Variants in HSD17B4 observed in about 807,000 individuals in gnomAD.
HSD17B4 encodes the protein peroxisomal multifunctional enzyme type 2.
HSD17B4 carries 70 observed loss-of-function variants against 101.0 expected under a neutral mutation model. The ratio of observed to expected loss-of-function variants is 0.69; its 90% confidence interval spans 0.57 to 0.85. The LOEUF (loss-of-function observed/expected upper bound fraction) is 0.85, where lower values mean the gene tolerates loss of function less well. Among genes scored for constraint, HSD17B4 ranks in the 40% least tolerant of loss-of-function variants. The pLI, the probability that HSD17B4 is intolerant of heterozygous loss-of-function variation, is 0.00. For missense variants in HSD17B4, 984 were observed against 892.4 expected (o/e 1.10, Z -1.31); for synonymous variants, 347 against 297.1 (o/e 1.17, Z -1.73).
intron 22 of HSD17B4, chr5:119,536,188 C>T (rs1754517165): frequency 1.3e-5 from 6 of 453,608 alleles, no homozygotes; most frequent in Non-Finnish European, 2.0e-5. Flanking sequence ...TGACCTGAGC[C>T]ACTACAGAAC....
chr5:119,512,474 C>T (rs1484603280), intron 16 of HSD17B4, among the ~76,000 whole-genome samples: 2 of 151,756 alleles, frequency 1.3e-5, no homozygotes, highest in Admixed American at 1.3e-4. Context: ...CAAAGGAACC[C>T]TAATAAGATT....
chr5:119,452,558 T>C lies in HSD17B4; in HGVS notation c.-18T>C. 1 of 1,613,954 alleles carries C rather than the reference T, an allele frequency of 6.2e-7. No individual in the cohort carries two copies. The highest frequency in any genetic ancestry group is 2.2e-5 in the East Asian group (1 of 44,858). ...GCGGCTCTGCTTGTTCGTGTGTGTGTCGTTGCAGGCCTTATTCATGGGCTC... is the reference window on the plus strand; with the variant it reads ...GCGGCTCTGCTTGTTCGTGTGTGTGCCGTTGCAGGCCTTATTCATGGGCTC... On this transcript the variant is annotated 5_prime_UTR_variant, in exon 1 of 24. Transcript: ENST00000510025.
At chr5:119,463,152 C>T (rs1333710906) in intron 2 of HSD17B4, among the ~76,000 whole-genome samples, 1 of 152,150 alleles carries the variant, frequency 6.6e-6, no homozygotes, top group East Asian at 1.9e-4. Flanking sequence ...TAATTTCCTC[C>T]AGGCTCATCC....
intron 10 of HSD17B4, chr5:119,492,682 A>G (rs1750221856): frequency 1.3e-5 from 2 of 152,144 alleles, no homozygotes; most frequent in African/African-American, 2.4e-5. Context: ...GTTATTTTAG[A>G]TAGTAAAATT....
At chr5:119,508,609 A>G (rs527305470) in intron 15 of HSD17B4, among the ~76,000 whole-genome samples, 2 of 152,172 alleles carry the variant, frequency 1.3e-5, no homozygotes, top group Non-Finnish European at 2.9e-5. Flanking sequence ...TTATTCACTG[A>G]TTTATTAATT....
chr5:119,530,155 T>A, intron 21 of HSD17B4, 175 bp downstream of exon 21: 1 of 603,918 alleles, frequency 1.7e-6, no homozygotes, highest in Non-Finnish European at 3.0e-6. Flanking sequence ...ACTCTGGCAA[T>A]TTATGAACTT....
At chr5:119,503,518 T>C (rs991536988) in intron 14 of HSD17B4, among the ~76,000 whole-genome samples, 1 of 152,176 alleles carries the variant, frequency 6.6e-6, no homozygotes, top group African/African-American at 2.4e-5. Context: ...CCTTTTAAAC[T>C]GCAGAAAACC....
chr5:119,530,211 A>C, intron 21 of HSD17B4: 1 of 472,400 alleles, frequency 2.1e-6, no homozygotes, highest in East Asian at 3.6e-5. Flanking sequence ...TCAAGAGAAC[A>C]TAATTTTCTA....
chr5:119,503,076 T>TTG (rs759039800), intron 14 of HSD17B4, among the ~76,000 whole-genome samples: 16,813 of 140,496 alleles, frequency 0.12, 946 homozygotes, highest in Middle Eastern at 0.21. Flanking sequence ...ACCTTGGAAA[T>TTG]TGTGTGTGTG....
At chr5:119,475,761 G>T (rs1336776251) in intron 5 of HSD17B4, 34 bp downstream of exon 5, 1 of 1,581,816 alleles carries the variant, frequency 6.3e-7, no homozygotes, top group South Asian at 1.1e-5. Context: ...AGTGATGTGT[G>T]TATAATTTTT....
At chr5:119,461,197 T>C (rs1421037575) in intron 2 of HSD17B4, among the ~76,000 whole-genome samples, 1 of 152,204 alleles carries the variant, frequency 6.6e-6, no homozygotes, top group Non-Finnish European at 1.5e-5. Flanking sequence ...TAAAGGAATT[T>C]ATGATTCATA....
chr5:119,541,254 A>G (rs934023032), intron 23 of HSD17B4, among the ~76,000 whole-genome samples: 2 of 152,144 alleles, frequency 1.3e-5, no homozygotes, highest in Non-Finnish European at 2.9e-5. Context: ...CAAACTACTA[A>G]GCTAAGCACT....
chr5:119,473,877 T>G, intron 2 of HSD17B4, 31 bp from the exon 3 acceptor site: 2 of 1,233,082 alleles, frequency 1.6e-6, no homozygotes, highest in Non-Finnish European at 2.4e-6. Flanking sequence ...CTAGAATAAT[T>G]AATTGTTGTT....
At chr5:119,470,498 T>C (rs1268828809) in intron 2 of HSD17B4, among the ~76,000 whole-genome samples, 1 of 152,180 alleles carries the variant, frequency 6.6e-6, no homozygotes, top group African/African-American at 2.4e-5. Flanking sequence ...CCAGGCAGGT[T>C]CCTATACTGA....
intron 2 of HSD17B4, among the ~76,000 whole-genome samples, chr5:119,459,161 C>G (rs1322085935): frequency 6.6e-6 from 1 of 152,194 alleles, no homozygotes; most frequent in East Asian, 1.9e-4. Context: ...CCTATGGGAT[C>G]TTGACAGCTG....
At chr5:119,458,262 T>C (rs770563749) in intron 2 of HSD17B4, among the ~76,000 whole-genome samples, 47 of 152,286 alleles carry the variant, frequency 3.1e-4, no homozygotes, top group Non-Finnish European at 6.3e-4. Flanking sequence ...TTTCTATTCC[T>C]TTTTAAAGTC....
chr5:119,489,491 A>G (rs1239910732), intron 9 of HSD17B4, among the ~76,000 whole-genome samples: 2 of 152,190 alleles, frequency 1.3e-5, no homozygotes, highest in African/African-American at 4.8e-5. Context: ...CATTCCTACC[A>G]AATGAAAATG....
chr5:119,497,006 C>T (rs1750709627), intron 12 of HSD17B4, among the ~76,000 whole-genome samples: 1 of 152,142 alleles, frequency 6.6e-6, no homozygotes, highest in Non-Finnish European at 1.5e-5. Flanking sequence ...CTGTACCCTG[C>T]ATTTCTTTTC....
chr5:119,468,759 C>T (rs1756058254), intron 2 of HSD17B4, among the ~76,000 whole-genome samples: 3 of 151,772 alleles, frequency 2.0e-5, no homozygotes, highest in Non-Finnish European at 4.4e-5. Context: ...TTAATGGTGT[C>T]CCATTACTAC....
Sources: allele counts gnomAD v4.1 joint callset (sites outside exome capture counted in the v4.1 genomes callset), GRCh38; gene constraint gnomAD v4.1.1; transcripts MANE v1.5; gene names NCBI Gene and HGNC (gene_info 2026-07-23, HGNC 2026-07-21).